ZDHHC14: variants seen among roughly 807,000 people sequenced by gnomAD.
ZDHHC14 encodes the protein zDHHC palmitoyltransferase 14, also known as palmitoyltransferase ZDHHC14.
Under a neutral mutation model 47.7 loss-of-function variants are expected in ZDHHC14, and 16 were observed. The ratio of observed to expected loss-of-function variants is 0.34; its 90% CI spans 0.23 to 0.51. The LOEUF (loss-of-function observed/expected upper bound fraction) is 0.51, where lower values mean the gene tolerates loss of function less well. Among genes scored for constraint, ZDHHC14 ranks in the 20% least tolerant of loss-of-function variants. ZDHHC14 has a pLI of 0.97. For synonymous variants in ZDHHC14, 293 were observed against 278.9 expected (o/e 1.05, Z -0.50); for missense variants, 515 against 662.5 (o/e 0.78, Z 2.44).
At chr6:157,635,629 T>G (rs908706831) in intron 5 of ZDHHC14, among the ~76,000 whole-genome samples, 1 of 152,182 alleles carries the variant, frequency 6.6e-6, no homozygotes, top group Non-Finnish European at 1.5e-5. Flanking sequence ...TGCCAGAACC[T>G]TCTTTGAGAG....
chr6:157,457,888 G>A lies in ZDHHC14; in HGVS notation c.245+75622G>A, dbSNP rs545385446. On this transcript the variant is annotated intron_variant, in intron 1 of 8. Transcript: ENST00000359775. The stretch of plus-strand genomic sequence containing the variant: ...CTGCCATGCTGAGGTTTTACAGCTG[G>A]GGGGCTGGGTTGTGTCTGCCCCAGG... 2.6e-5 allele frequency among the ~76,000 whole-genome samples: 4 copies of A among 152,320 alleles called. No homozygotes were observed. The South Asian group carries it at 8.3e-4, about 32-fold the overall frequency.
chr6:157,483,505 C>T (rs1272420183), intron 1 of ZDHHC14, among the ~76,000 whole-genome samples: 1 of 152,100 alleles, frequency 6.6e-6, no homozygotes, highest in Admixed American at 6.6e-5. Context: ...TACATAAAAT[C>T]ACAGTGGGAA....
At chr6:157,559,751 G>A (rs1479597434) in intron 2 of ZDHHC14, among the ~76,000 whole-genome samples, 1 of 152,194 alleles carries the variant, frequency 6.6e-6, no homozygotes, top group Non-Finnish European at 1.5e-5. Flanking sequence ...AAAAGAGTCT[G>A]GAAGGAAAGC....
At chr6:157,606,869 A>G (rs998783878) in intron 3 of ZDHHC14, among the ~76,000 whole-genome samples, 1 of 152,378 alleles carries the variant, frequency 6.6e-6, no homozygotes, top group Middle Eastern at 3.4e-3. Context: ...ATGAAATTGA[A>G]TATTTCCTTT....
chr6:157,654,736 CTCTCTTT>C (rs754594280), intron 8 of ZDHHC14, among the ~76,000 whole-genome samples: 23 of 137,134 alleles, frequency 1.7e-4, no homozygotes, highest in Non-Finnish European at 3.2e-4. Context: ...AGCGTTTTCT[CTCTCTTT>C]TTTTTTTTTG....
chr6:157,579,345 C>G (rs1255948503), intron 2 of ZDHHC14, among the ~76,000 whole-genome samples: 1 of 151,796 alleles, frequency 6.6e-6, no homozygotes, highest in East Asian at 1.9e-4. Flanking sequence ...CTACAGGTGC[C>G]TGCCACCACG....
intron 3 of ZDHHC14, among the ~76,000 whole-genome samples, chr6:157,603,176 G>A (rs1308784411): frequency 1.3e-5 from 2 of 152,206 alleles, no homozygotes; most frequent in Non-Finnish European, 2.9e-5. Context: ...TCTGTGGAAC[G>A]CTTTGTGAAG....
chr6:157,534,096 G>A (rs755760927), intron 1 of ZDHHC14, among the ~76,000 whole-genome samples: 14 of 152,246 alleles, frequency 9.2e-5, no homozygotes, highest in Admixed American at 4.6e-4. Context: ...TTCCAGAAGG[G>A]AGGCAGAATG....
At chr6:157,638,792 C>T (rs1206919235) in intron 5 of ZDHHC14, among the ~76,000 whole-genome samples, 1 of 152,208 alleles carries the variant, frequency 6.6e-6, no homozygotes, top group Non-Finnish European at 1.5e-5. Context: ...AAAGACACAG[C>T]CTGTGCTTGG....
At chr6:157,513,298 C>G (rs1780561393) in intron 1 of ZDHHC14, among the ~76,000 whole-genome samples, 1 of 152,226 alleles carries the variant, frequency 6.6e-6, no homozygotes, top group Non-Finnish European at 1.5e-5. Context: ...ACTAAACTCT[C>G]AAGAGTTGCC....
At chr6:157,518,301 G>A (rs1780774655) in intron 1 of ZDHHC14, among the ~76,000 whole-genome samples, 1 of 150,806 alleles carries the variant, frequency 6.6e-6, no homozygotes, top group Admixed American at 6.7e-5. Flanking sequence ...CCAGCAGGTG[G>A]TCCCTGTTGG....
At chr6:157,585,659 T>G (rs1478305111) in intron 2 of ZDHHC14, among the ~76,000 whole-genome samples, 1 of 152,218 alleles carries the variant, frequency 6.6e-6, no homozygotes, top group African/African-American at 2.4e-5. Context: ...GATGCAAGTG[T>G]GTCTGAAAGC....
At chr6:157,618,994 A>G (rs890197764) in intron 3 of ZDHHC14, among the ~76,000 whole-genome samples, 2 of 152,054 alleles carry the variant, frequency 1.3e-5, no homozygotes, top group Non-Finnish European at 2.9e-5. Flanking sequence ...ATGGCTTCAT[A>G]ATCATCTTTG....
chr6:157,573,027 A>T (rs575472728), intron 2 of ZDHHC14, among the ~76,000 whole-genome samples: 3 of 152,070 alleles, frequency 2.0e-5, no homozygotes, highest in African/African-American at 7.2e-5. Flanking sequence ...ATCATCCCAC[A>T]TGCCCTTTGA....
intron 1 of ZDHHC14, among the ~76,000 whole-genome samples, chr6:157,540,719 CTA>C (rs919972790): frequency 6.6e-6 from 1 of 152,030 alleles, no homozygotes; most frequent in Non-Finnish European, 1.5e-5. Flanking sequence ...ATTGTTCAAA[CTA>C]TGTCGAATTG....
At chr6:157,609,801 G>A (rs1430997952) in intron 3 of ZDHHC14, among the ~76,000 whole-genome samples, 2 of 152,180 alleles carry the variant, frequency 1.3e-5, no homozygotes, top group African/African-American at 2.4e-5. Flanking sequence ...CTCTGTGCAG[G>A]GGCTGAAGCC....
At position 157,520,383 on chromosome 6, in the gene ZDHHC14, GT is replaced by G. The variant is rs1331275106; in HGVS notation, c.246-22199del. On this transcript the variant is annotated intron_variant, in intron 1 of 8. Transcript: ENST00000359775. ...GTAGTCACAGTTTATGCCAGAAATG[GT>G]TTCCTGACTATCTCATATTATTTAA... is the stretch of plus-strand genomic sequence containing the variant. Among the ~76,000 whole-genome samples the G allele has an allele frequency of 2.0e-5, 3 of 152,320 alleles. No individual in the cohort carries two copies. In the East Asian group the frequency reaches 5.8e-4, roughly 29 times the overall value.
rs3220439 is a variant in ZDHHC14, at chr6:157,453,788, T to TTTTTTTTTTGTGTGTGTGTGTGTG, written c.245+71523_245+71524insTTTTTTTTGTGTGTGTGTGTGTGT. Among the ~76,000 whole-genome samples, 571 of 148,176 alleles carry TTTTTTTTTTGTGTGTGTGTGTGTG rather than the reference T, an allele frequency of 3.9e-3. 8 individuals carry two copies. Among genetic ancestry groups the TTTTTTTTTTGTGTGTGTGTGTGTG allele is most frequent in the African/African-American group, 0.014 (544 of 39,558 alleles). ...TTCTAAGGCCATTGTTTTTTGTGTT[T>TTTTTTTTTTGTGTGTGTGTGTGTG]TGTGTGTGTGTGTGTGTGTGTGTGT... On this transcript the variant is annotated intron_variant, in intron 1 of 8. Coordinates refer to ENST00000359775, the MANE Select transcript of ZDHHC14 (RefSeq NM_024630.3).
intron 3 of ZDHHC14, among the ~76,000 whole-genome samples, chr6:157,596,529 G>A (rs1189635147): frequency 2.0e-5 from 3 of 152,172 alleles, no homozygotes; most frequent in African/African-American, 7.2e-5. Context: ...CTTTTTAGTT[G>A]AGGACTGAGA....
Sources: gnomAD v4.1 joint callset for allele counts (sites outside exome capture counted in the v4.1 genomes callset) on GRCh38, gnomAD v4.1.1 for gene constraint, MANE v1.5 for transcripts, NCBI Gene and HGNC (gene_info 2026-07-23, HGNC 2026-07-21) for gene names.